The following TJP1 variants were observed in gnomAD, a reference collection of about 807,000 sequenced individuals.
TJP1 encodes the protein tight junction protein 1.
Under a neutral mutation model 194.2 loss-of-function variants are expected in TJP1, and 43 were observed. The ratio of observed to expected loss-of-function variants is 0.22; its 90% CI spans 0.17 to 0.29. The LOEUF (loss-of-function observed/expected upper bound fraction) is 0.29, where lower values mean the gene tolerates loss of function less well. TJP1 is among the 10% of genes least tolerant of loss of function. TJP1 has a pLI of 1.00. For missense variants in TJP1, 1,971 were observed against 2,185.7 expected, an observed-to-expected ratio of 0.90 and a Z score of 1.96; for synonymous variants, 801 against 779.0, an observed-to-expected ratio of 1.03 and a Z score of -0.47.
At chr15:29,711,301 T>C (rs562825922) in intron 23 of TJP1, among the ~76,000 whole-genome samples, 18 of 152,324 alleles carry the variant, frequency 1.2e-4, no homozygotes, top group Admixed American at 1.2e-3. Context: ...GATAGTAATG[T>C]TGACAGATTT....
chr15:29,940,714 C>A (rs1215530376), intron 2 of TJP1, among the ~76,000 whole-genome samples: 1 of 152,166 alleles, frequency 6.6e-6, no homozygotes, highest in Non-Finnish European at 1.5e-5. Flanking sequence ...CTCTGAAAAG[C>A]TGAAGCAGAT....
At chr15:29,827,551 A>G (rs948637779) in intron 2 of TJP1, among the ~76,000 whole-genome samples, 11 of 152,232 alleles carry the variant, frequency 7.2e-5, no homozygotes, top group African/African-American at 2.7e-4. Flanking sequence ...CTCCAGGGAC[A>G]AGCCACAGAA....
intron 2 of TJP1, among the ~76,000 whole-genome samples, chr15:29,788,773 A>G (rs971746406): frequency 6.6e-6 from 1 of 152,126 alleles, no homozygotes; most frequent in Non-Finnish European, 1.5e-5. Flanking sequence ...ACGACGAGCA[A>G]CTCATTCCTG....
At chr15:29,888,418 G>A (rs1183318081) in intron 2 of TJP1, among the ~76,000 whole-genome samples, 2 of 151,974 alleles carry the variant, frequency 1.3e-5, no homozygotes, top group African/African-American at 4.8e-5. Flanking sequence ...AAAAAAGAAG[G>A]CATTGAGGCT....
At chr15:29,909,576 C>T (rs1048914401) in intron 2 of TJP1, among the ~76,000 whole-genome samples, 3 of 152,066 alleles carry the variant, frequency 2.0e-5, no homozygotes, top group Non-Finnish European at 4.4e-5. Context: ...TAACACCAGA[C>T]TTATGAGTCA....
At chr15:29,909,971 G>A (rs952543315) in intron 2 of TJP1, among the ~76,000 whole-genome samples, 2 of 152,140 alleles carry the variant, frequency 1.3e-5, no homozygotes, top group Non-Finnish European at 2.9e-5. Flanking sequence ...TCTAAGCAGA[G>A]TTTCTAGGCT....
intron 2 of TJP1, among the ~76,000 whole-genome samples, chr15:29,842,777 C>T (rs996818226): frequency 6.6e-6 from 1 of 152,190 alleles, no homozygotes; most frequent in East Asian, 1.9e-4. Flanking sequence ...AACCCTGCTG[C>T]CCCCAGGTAA....
At chr15:29,800,279 T>C (rs1198240026) in intron 2 of TJP1, among the ~76,000 whole-genome samples, 1 of 152,240 alleles carries the variant, frequency 6.6e-6, no homozygotes, top group African/African-American at 2.4e-5. Flanking sequence ...TTATTATGCA[T>C]ACAACCTGGT....
In TJP1 at chr15:29,702,675, A is replaced by G. The variant is rs574120583; in HGVS notation, c.5213-986T>C. ...AGTGCCAGCTGAGAACTTTGCTTAC[A>G]GTACGTTAGACATTACCTAAGCAAT... On this transcript the variant is annotated intron_variant, in intron 27 of 27. Transcript: ENST00000614355. Among the ~76,000 whole-genome samples, 4 of 152,346 alleles carry G rather than the reference A, an allele frequency of 2.6e-5. No individual in the cohort carries two copies. The South Asian group carries it at 6.2e-4, about 24-fold the overall frequency.
At chr15:29,863,337 G>C (rs1316814348) in intron 2 of TJP1, among the ~76,000 whole-genome samples, 1 of 152,048 alleles carries the variant, frequency 6.6e-6, no homozygotes, top group Non-Finnish European at 1.5e-5. Context: ...TTGCAATATG[G>C]ACGATGGTTT....
chr15:29,770,645 A>G (rs2046605471), intron 4 of TJP1, among the ~76,000 whole-genome samples: 1 of 150,752 alleles, frequency 6.6e-6, no homozygotes, highest in Non-Finnish European at 1.5e-5. Flanking sequence ...GCGCCACTGC[A>G]CTCCAGCCTG....
At chr15:29,953,515 C>T (rs1186914302) in intron 2 of TJP1, among the ~76,000 whole-genome samples, 2 of 151,876 alleles carry the variant, frequency 1.3e-5, no homozygotes, top group African/African-American at 4.8e-5. Context: ...TATGCCCCTA[C>T]ATATTTTGGG....
At chr15:29,734,185 G>C (rs909341466) in intron 12 of TJP1, 89 bp downstream of exon 12, 3 of 872,692 alleles carry the variant, frequency 3.4e-6, no homozygotes, top group East Asian at 5.2e-5. Flanking sequence ...TCAACTATGA[G>C]TGACTTATTT....
chr15:29,757,775 T>C (rs967813244), intron 8 of TJP1, among the ~76,000 whole-genome samples: 2 of 152,188 alleles, frequency 1.3e-5, no homozygotes, highest in African/African-American at 4.8e-5. Flanking sequence ...CATCTAGCAG[T>C]GCACATAAGA....
Position 29,722,426 on chromosome 15 carries a change from C to T in TJP1, c.2413-1718G>A, listed in dbSNP as rs145721092. On this transcript the variant is annotated intron_variant, in intron 18 of 27. Transcript: ENST00000614355. ...TGCTTCAGAGGGTGCAAGCCCTAAG[C>T]CTTGGCAGCTTCCACATGATGCTAA... is the stretch of plus-strand genomic sequence containing the variant. Among the ~76,000 whole-genome samples the T allele has an allele frequency of 3.6e-3, 545 of 152,308 alleles. 16 individuals are homozygous for T. The East Asian group carries it at 0.076, about 21-fold the overall frequency.
chr15:29,757,378 A>G (rs2045709337), intron 8 of TJP1, among the ~76,000 whole-genome samples: 1 of 152,218 alleles, frequency 6.6e-6, no homozygotes, highest in African/African-American at 2.4e-5. Flanking sequence ...TTCTTTAAAG[A>G]TAATTTACAT....
chr15:29,834,431 G>C (rs532846689), intron 2 of TJP1, among the ~76,000 whole-genome samples: 200 of 152,116 alleles, frequency 1.3e-3, no homozygotes, highest in Admixed American at 3.3e-3. Flanking sequence ...TCGTGGCCAG[G>C]CTGTTCTTGA....
rs1048328325 is a variant in TJP1 at position 29,968,361 on chromosome 15, G to A, written c.173+306C>T. The A allele has an allele frequency of 5.5e-5, 54 of 985,378 alleles. No homozygotes were observed. In the East Asian group the frequency reaches 9.1e-4, roughly 17 times the overall value. 61.0% of individuals were successfully genotyped at this position (985,378 alleles called of 1,614,324 possible). ...TGGAGCAGAAAGGACAGACAGAGGC[G>A]GGAGGCCGACGCCCGGGTGCGGGTG... is the stretch of plus-strand genomic sequence containing the variant. On this transcript the variant is annotated intron_variant, in intron 1 of 28. Coordinates refer to the TJP1 transcript ENST00000356107.
Position 29,701,687 on chromosome 15 carries a change from C to T in TJP1, c.5215G>A (p.Asp1739Asn), listed in dbSNP as rs1460700109. 6.2e-7 allele frequency: 1 copy of T among 1,613,234 alleles called. No individual in the cohort carries two copies. The highest frequency in any genetic ancestry group is 1.7e-5 in the Admixed American group (1 of 60,018). Residue 1739 changes from aspartate (D) to asparagine (N), a missense_variant and splice_region_variant, in exon 28 of 28, where the codon GAT (aspartate) becomes AAT (asparagine). Around this residue, in one of 5 missense-constraint regions of TJP1, gnomAD observed 1,108 missense variants for 1,128.5 expected, o/e 0.98. Coordinates refer to ENST00000614355, the MANE Select transcript of TJP1 (RefSeq NM_001330239.4). Reference sequence around the variant, plus strand: ...CACTTGTTTTGCCAGGTTTTAGGATCACCTATGAGAGAAAAGAAGTTGATG... The same window carrying T: ...CACTTGTTTTGCCAGGTTTTAGGATTACCTATGAGAGAAAAGAAGTTGATG... ...ALKSSDSSSG[D>N]PKTWQNKCLP...
Sources: gnomAD v4.1 joint callset for allele counts (sites outside exome capture counted in the v4.1 genomes callset) on GRCh38, gnomAD v4.1.1 for gene constraint, gnomAD v4.1.1 regional missense constraint, MANE v1.5 for transcripts, NCBI Gene and HGNC (gene_info 2026-07-23, HGNC 2026-07-21) for gene names.